The following OXR1 variants were observed in gnomAD, a reference collection of about 807,000 sequenced individuals.
OXR1 encodes the protein oxidation resistance protein 1.
OXR1 carries 41 observed loss-of-function variants against 104.6 expected under a neutral mutation model. That is an observed-to-expected ratio of 0.39 (90% CI 0.31 to 0.51). OXR1 has a LOEUF of 0.51. OXR1 is among the 20% of genes least tolerant of loss of function. OXR1 has a pLI of 0.77. For synonymous variants in OXR1, 348 were observed against 348.4 expected, an observed-to-expected ratio of 1.00 and a Z score of 0.01; for missense variants, 955 against 1,031.9, an observed-to-expected ratio of 0.93 and a Z score of 1.02.
chr8:106,398,059 T>C (rs895218922), intron 2 of OXR1, among the ~76,000 whole-genome samples: 1 of 152,140 alleles, frequency 6.6e-6, no homozygotes, highest in African/African-American at 2.4e-5. Context: ...TGTGTGTGTG[T>C]GTCTGTGTCC....
intron 3 of OXR1, among the ~76,000 whole-genome samples, chr8:106,639,590 A>C (rs1290382654): frequency 6.6e-6 from 1 of 152,202 alleles, no homozygotes; most frequent in Non-Finnish European, 1.5e-5. Flanking sequence ...TAGTGCCTAA[A>C]AAGAAGGAAA....
intron 2 of OXR1, among the ~76,000 whole-genome samples, chr8:106,371,963 G>T (rs575571803): frequency 6.6e-6 from 1 of 152,328 alleles, no homozygotes; most frequent in Admixed American, 6.5e-5. Context: ...AGCTTGTTAG[G>T]CAGTTGCGAG....
At chr8:106,438,731 A>T (rs1055593738) in intron 2 of OXR1, among the ~76,000 whole-genome samples, 1 of 152,140 alleles carries the variant, frequency 6.6e-6, no homozygotes, top group Non-Finnish European at 1.5e-5. Flanking sequence ...GTTAGGATTC[A>T]ATAAATGAGA....
Position 106,703,060 on chromosome 8 carries a change from TGGATA to T in OXR1, c.832_836del (p.Asp278GlnfsTer28). On this transcript the variant is annotated frameshift_variant, in exon 8 of 17. Transcript: ENST00000517566. LOFTEE classifies it high-confidence loss of function. ...TCAGCTGCAATGTACAAAGAAATTT[TGGATA>T]GCAAAATAAAGGAATCTTTACCCAT... 6.2e-7 allele frequency: 1 copy of T among 1,613,284 alleles called. No individual in the cohort carries two copies. Among genetic ancestry groups the T allele is most frequent in the Non-Finnish European group, 8.5e-7 (1 of 1,179,448 alleles).
Position 106,706,890 on chromosome 8 carries a change from T to C in OXR1, c.1369T>C (p.Ser457Pro). 1 of 1,611,746 alleles carries C rather than the reference T, an allele frequency of 6.2e-7. No homozygotes were observed. The highest frequency in any genetic ancestry group is 2.2e-5 in the East Asian group (1 of 44,852). Reference sequence around the variant, plus strand: ...CCAGGATTCTTTTCTTCATGAGAATTCGTTACACCAAGAAGAGAGTCAAAA... The same window carrying C: ...CCAGGATTCTTTTCTTCATGAGAATCCGTTACACCAAGAAGAGAGTCAAAA... ...SDQDSFLHEN[S>P]LHQEESQKEN... The change falls in exon 9 of 17, where the codon TCG becomes CCG. Residue 457 changes from serine (S) to proline (P), a missense_variant. Ser to Pro is a moderately conservative substitution (Grantham distance 74, BLOSUM62 -1). Around this residue, in one of 2 missense-constraint regions of OXR1, gnomAD observed 849 missense variants for 852.9 expected, o/e 1.00. Coordinates refer to ENST00000517566, the MANE Select transcript of OXR1 (RefSeq NM_001198533.2).
intron 1 of OXR1, among the ~76,000 whole-genome samples, chr8:106,343,981 A>G (rs1215577332): frequency 2.0e-5 from 3 of 152,232 alleles, no homozygotes; most frequent in African/African-American, 7.2e-5. Context: ...TTTCTTACCT[A>G]ATAAATTCCT....
At chr8:106,692,002 CACAT>C (rs1263134174) in intron 6 of OXR1, among the ~76,000 whole-genome samples, 9 of 150,048 alleles carry the variant, frequency 6.0e-5, no homozygotes, top group South Asian at 2.1e-4. Flanking sequence ...CACACACACA[CACAT>C]ATATATATAC....
At chr8:106,488,636 A>C (rs1000116514) in intron 2 of OXR1, among the ~76,000 whole-genome samples, 7 of 149,654 alleles carry the variant, frequency 4.7e-5, no homozygotes, top group East Asian at 2.0e-4. Flanking sequence ...TCAGCTTTCT[A>C]CATATGGCTA....
intron 2 of OXR1, among the ~76,000 whole-genome samples, chr8:106,393,810 A>T (rs1422874006): frequency 6.6e-6 from 1 of 152,046 alleles, no homozygotes; most frequent in Non-Finnish European, 1.5e-5. Flanking sequence ...TGATTTTGGT[A>T]TCAAATTTTA....
rs1554637526 is a variant in OXR1 at position 106,745,884 on chromosome 8, C to T, written c.2486+22C>T. 2.2e-6 allele frequency: 3 copies of T among 1,355,178 alleles called. No individual in the cohort carries two copies. In the Admixed American group the frequency reaches 5.6e-5, roughly 26 times the overall value. 83.9% of individuals were successfully genotyped at this position (1,355,178 alleles called of 1,614,324 possible). A position where few individuals can be genotyped will look rare whatever the true frequency, so the allele number is the denominator to read the frequency against. On this transcript the variant is annotated intron_variant, in intron 16 of 16. Transcript: ENST00000517566. ...GAGGGTAAGTCTCTTGAACATTTCA[C>T]TATGAGATTTTTGAAGAACTTTAAA...
At chr8:106,562,147 T>A (rs1816728693) in intron 3 of OXR1, among the ~76,000 whole-genome samples, 1 of 152,020 alleles carries the variant, frequency 6.6e-6, no homozygotes, top group Non-Finnish European at 1.5e-5. Flanking sequence ...GAAGTAGGCT[T>A]CAGAAGATGA....
At chr8:106,312,361 C>T (rs927630206) in intron 1 of OXR1, among the ~76,000 whole-genome samples, 2 of 152,192 alleles carry the variant, frequency 1.3e-5, no homozygotes, top group Non-Finnish European at 2.9e-5. Context: ...AGAGTGTCCT[C>T]AGGGTATGGT....
At chr8:106,744,085 T>C (rs1043984985) in intron 15 of OXR1, among the ~76,000 whole-genome samples, 53 of 152,102 alleles carry the variant, frequency 3.5e-4, no homozygotes, top group Non-Finnish European at 1.2e-4. Flanking sequence ...TCAGAAATAA[T>C]AGCTAATGGA....
chr8:106,666,872 TAGG>T (rs1826391818), intron 3 of OXR1, among the ~76,000 whole-genome samples: 1 of 152,298 alleles, frequency 6.6e-6, no homozygotes, highest in South Asian at 2.1e-4. Flanking sequence ...CAGATTGGCA[TAGG>T]AGAAGGTTCA....
At chr8:106,668,270 T>A (rs1563685323) in intron 3 of OXR1, among the ~76,000 whole-genome samples, 1 of 152,220 alleles carries the variant, frequency 6.6e-6, no homozygotes, top group Non-Finnish European at 1.5e-5. Context: ...TTCAGTCTTA[T>A]AGCACTGAGT....
At chr8:106,659,948 T>G (rs1418739664) in intron 3 of OXR1, among the ~76,000 whole-genome samples, 1 of 152,234 alleles carries the variant, frequency 6.6e-6, no homozygotes, top group Non-Finnish European at 1.5e-5. Context: ...TCTTTAATAG[T>G]CATGGTGCCC....
At chr8:106,437,972 T>C (rs922654437) in intron 2 of OXR1, among the ~76,000 whole-genome samples, 36 of 152,118 alleles carry the variant, frequency 2.4e-4, no homozygotes, top group Non-Finnish European at 4.1e-4. Flanking sequence ...GCTTATACAC[T>C]AGCTGGAGAG....
At chr8:106,737,909 T>C (rs1834548422) in intron 12 of OXR1, among the ~76,000 whole-genome samples, 1 of 152,150 alleles carries the variant, frequency 6.6e-6, no homozygotes, top group South Asian at 2.1e-4. Context: ...GGTTTTGAGA[T>C]TGAATCTTTT....
intron 3 of OXR1, among the ~76,000 whole-genome samples, chr8:106,673,502 C>CT (rs1827251364): frequency 6.6e-6 from 1 of 152,154 alleles, no homozygotes; most frequent in Admixed American, 6.6e-5. Flanking sequence ...GTTTGGACAA[C>CT]TTGCAGCCTG....
Sources: gnomAD v4.1 joint callset for allele counts (sites outside exome capture counted in the v4.1 genomes callset) on GRCh38, gnomAD v4.1.1 for gene constraint, gnomAD v4.1.1 regional missense constraint, MANE v1.5 for transcripts, NCBI Gene and HGNC (gene_info 2026-07-23, HGNC 2026-07-21) for gene names.